CNTN5: variants seen among roughly 807,000 people sequenced by gnomAD.
CNTN5 encodes contactin-5.
A neutral mutation model predicts 129.1 loss-of-function variants in CNTN5; 77 were observed. The observed-to-expected ratio is 0.60, with a 90% CI of 0.50 to 0.72. The LOEUF (loss-of-function observed/expected upper bound fraction) is 0.72. Among genes scored for constraint, CNTN5 ranks in the 30% least tolerant of loss-of-function variants. CNTN5 has a pLI of 0.00. For missense variants in CNTN5, 1,478 were observed against 1,328.8 expected (o/e 1.11, Z -1.75); for synonymous variants, 509 against 465.6 (o/e 1.09, Z -1.20).
intron 2 of CNTN5, among the ~76,000 whole-genome samples, chr11:99,331,027 T>C (rs1865978112): frequency 6.6e-6 from 1 of 151,840 alleles, no homozygotes; most frequent in African/African-American, 2.4e-5. Flanking sequence ...CTGAGATGCA[T>C]AAAAATGGAG....
At chr11:99,755,292 A>G (rs1458288898) in intron 3 of CNTN5, among the ~76,000 whole-genome samples, 2 of 152,202 alleles carry the variant, frequency 1.3e-5, no homozygotes, top group African/African-American at 2.4e-5. Flanking sequence ...CTTTGTAACA[A>G]TTGACAGACT....
At chr11:99,527,906 G>T (rs1369001548) in intron 2 of CNTN5, among the ~76,000 whole-genome samples, 1 of 152,128 alleles carries the variant, frequency 6.6e-6, no homozygotes, top group Non-Finnish European at 1.5e-5. Context: ...TTGCAACAAA[G>T]CCCCGCAGAG....
chr11:99,980,121 A>G (rs1938239103), intron 8 of CNTN5, among the ~76,000 whole-genome samples: 1 of 150,774 alleles, frequency 6.6e-6, no homozygotes, highest in African/African-American at 2.4e-5. Flanking sequence ...TTAGGTATTA[A>G]TTTCTCTCTG....
chr11:100,102,632 G>T (rs1945270535), intron 13 of CNTN5, among the ~76,000 whole-genome samples: 1 of 152,012 alleles, frequency 6.6e-6, no homozygotes, highest in Admixed American at 6.6e-5. Flanking sequence ...GAATAATTTA[G>T]AATTTGTTAA....
At chr11:100,164,609 C>A (rs1947566015) in intron 13 of CNTN5, among the ~76,000 whole-genome samples, 1 of 151,588 alleles carries the variant, frequency 6.6e-6, no homozygotes, top group African/African-American at 2.4e-5. Context: ...ATCGTTTATA[C>A]CATAAATTAT....
chr11:99,282,456 G>T (rs1863743729), intron 1 of CNTN5, among the ~76,000 whole-genome samples: 1 of 151,958 alleles, frequency 6.6e-6, no homozygotes, highest in Non-Finnish European at 1.5e-5. Context: ...GGTATGGATT[G>T]ATATTCCAAG....
chr11:99,514,522 T>A lies in CNTN5; in HGVS notation c.-70-41623T>A, dbSNP rs149034546. Among the ~76,000 whole-genome samples, 3 of 152,078 alleles carry A rather than the reference T, an allele frequency of 2.0e-5. No individual in the cohort carries two copies. In the East Asian group the frequency reaches 5.8e-4, roughly 29 times the overall value. ...CTTTGCTTATTGTAAGTTAAAAAATTGCCACAGCCATCTCAACCTTCAGAA... is the reference window on the plus strand; with the variant it reads ...CTTTGCTTATTGTAAGTTAAAAAATAGCCACAGCCATCTCAACCTTCAGAA... On this transcript the variant is annotated intron_variant, in intron 2 of 24. Transcript: ENST00000524871.
intron 13 of CNTN5, among the ~76,000 whole-genome samples, chr11:100,090,509 C>CCCTTCCCTCCCTCCCTCCCTCCCTT (rs1565230702): frequency 1.3e-3 from 58 of 44,190 alleles, no homozygotes; most frequent in Non-Finnish European, 1.8e-3. Flanking sequence ...TTTCCTCCCT[C>CCCTTCCCTCCCTCCCTCCCTCCCTT]CCTCCCTCCC....
intron 4 of CNTN5, among the ~76,000 whole-genome samples, chr11:99,843,078 A>T (rs1309936555): frequency 6.6e-6 from 1 of 152,134 alleles, no homozygotes; most frequent in African/African-American, 2.4e-5. Flanking sequence ...TAAAAATACA[A>T]AAATTAGCTA....
chr11:100,142,227 G>A (rs779327065), intron 13 of CNTN5, among the ~76,000 whole-genome samples: 5 of 152,234 alleles, frequency 3.3e-5, no homozygotes, highest in African/African-American at 1.2e-4. Flanking sequence ...TCACCAGCTT[G>A]CAGATGGCCT....
intron 3 of CNTN5, among the ~76,000 whole-genome samples, chr11:99,668,045 A>G (rs1318021619): frequency 6.6e-6 from 1 of 152,214 alleles, no homozygotes; most frequent in Non-Finnish European, 1.5e-5. Flanking sequence ...TGATAGCAAC[A>G]ACAGATCCTA....
intron 1 of CNTN5, among the ~76,000 whole-genome samples, chr11:99,312,760 A>G (rs955472604): frequency 6.6e-6 from 1 of 152,092 alleles, no homozygotes; most frequent in Non-Finnish European, 1.5e-5. Flanking sequence ...TTATATTCCA[A>G]AAAATCCTAC....
chr11:99,617,398 G>A (rs566351473), intron 3 of CNTN5, among the ~76,000 whole-genome samples: 3 of 152,206 alleles, frequency 2.0e-5, no homozygotes, highest in Admixed American at 6.5e-5. Context: ...TAGTGCAGAT[G>A]TTTGTTACAT....
At chr11:99,878,144 T>C (rs992164574) in intron 6 of CNTN5, among the ~76,000 whole-genome samples, 8 of 152,368 alleles carry the variant, frequency 5.3e-5, no homozygotes, top group African/African-American at 1.9e-4. Flanking sequence ...TTATTTCTTT[T>C]AACCTTCTTA....
chr11:100,047,992 G>A (rs1030759745), intron 9 of CNTN5, among the ~76,000 whole-genome samples: 33 of 152,078 alleles, frequency 2.2e-4, no homozygotes, highest in African/African-American at 7.5e-4. Context: ...TTAGCCCAGC[G>A]TGGTGGCGGG....
At chr11:99,532,178 C>T (rs543605120) in intron 2 of CNTN5, among the ~76,000 whole-genome samples, 17 of 152,260 alleles carry the variant, frequency 1.1e-4, no homozygotes, top group Middle Eastern at 3.4e-3. Context: ...CTTGCATCAG[C>T]GTGACCTGGT....
At chr11:99,588,604 C>T (rs977118756) in intron 3 of CNTN5, among the ~76,000 whole-genome samples, 14 of 152,196 alleles carry the variant, frequency 9.2e-5, no homozygotes, top group African/African-American at 3.4e-4. Flanking sequence ...AACATTCCAC[C>T]CTCTGTGGGG....
At chr11:100,058,582 A>G (rs928327536) in intron 9 of CNTN5, among the ~76,000 whole-genome samples, 3 of 152,130 alleles carry the variant, frequency 2.0e-5, no homozygotes, top group Non-Finnish European at 4.4e-5. Flanking sequence ...CTTTCTGGAC[A>G]TTGAATACAT....
chr11:99,657,946 A>G (rs1342028933), intron 3 of CNTN5, among the ~76,000 whole-genome samples: 1 of 152,168 alleles, frequency 6.6e-6, no homozygotes, highest in African/African-American at 2.4e-5. Context: ...GCCCACTCTA[A>G]TGGATACTAT....
Sources: gnomAD v4.1 joint callset for allele counts (sites outside exome capture counted in the v4.1 genomes callset) on GRCh38, gnomAD v4.1.1 for gene constraint, MANE v1.5 for transcripts, NCBI Gene and HGNC (gene_info 2026-07-23, HGNC 2026-07-21) for gene names.